TNXB: variants seen among roughly 807,000 people sequenced by gnomAD.
TNXB encodes the protein tenascin XB.
A neutral mutation model predicts 340.5 loss-of-function variants in TNXB; 183 were observed. That is an observed-to-expected ratio of 0.54 (90% CI 0.48 to 0.61). The LOEUF is 0.61. Among genes scored for constraint, TNXB ranks in the 20% least tolerant of loss-of-function variants. TNXB has a pLI of 0.00. For missense variants in TNXB, 4,613 were observed against 5,446.4 expected (o/e 0.85, Z 4.82); for synonymous variants, 2,121 against 2,314.5 (o/e 0.92, Z 2.40).
Position 32,074,552 on chromosome 6 carries a change from C to T in TNXB, c.4376-600G>A, listed in dbSNP as rs1778974759. Among the ~76,000 whole-genome samples the T allele has an allele frequency of 6.6e-6, 1 of 152,162 alleles. No homozygotes were observed. Among genetic ancestry groups the T allele is most frequent in the African/African-American group, 2.4e-5 (1 of 41,434 alleles). ...ACCCTCTGTCCAGACCTCTCCTGAA[C>T]CCCAGACTAGTGTTCGTGCAACGTC... On this transcript the variant is annotated intron_variant, in intron 11 of 43. Coordinates refer to ENST00000644971, the MANE Select transcript of TNXB (RefSeq NM_001365276.2). The surrounding 1 kb of genome is among the most constrained non-coding windows in gnomAD (Gnocchi z 5.5).
Position 32,096,990 on chromosome 6 carries a change from C to G in TNXB, c.863G>C (p.Gly288Ala). Residue 288 changes from glycine to alanine, a missense_variant, in exon 3 of 44, where the codon GGG becomes GCG. This residue lies in a region of TNXB where 4,327 missense variants were observed against 4,859.4 expected (regional missense o/e 0.89). Coordinates refer to ENST00000644971, the MANE Select transcript of TNXB (RefSeq NM_001365276.2). ...RSCPRGCSQR[G>A]RCENGRCVCN... ...CACGCAGCGCCCATTCTCACAGCGCCCCCTCTGACTGCAACCGCGAGGGCA... is the reference window on the plus strand; with the variant it reads ...CACGCAGCGCCCATTCTCACAGCGCGCCCTCTGACTGCAACCGCGAGGGCA... The G allele has an allele frequency of 6.2e-7, 1 of 1,613,218 alleles. No individual in the cohort carries two copies.
intron 1 of TNXB, among the ~76,000 whole-genome samples, chr6:32,101,588 CT>C (rs58601681): frequency 1.4e-3 from 172 of 126,172 alleles, no homozygotes; most frequent in East Asian, 2.1e-3. Context: ...CGCACCCAGC[CT>C]TTTTTTTTTT....
rs1027947609 is a variant in TNXB at position 32,082,475 on chromosome 6, C to T, written c.3446-149G>A. The T allele has an allele frequency of 1.2e-6, 1 of 801,630 alleles. No individual in the cohort carries two copies. The highest frequency in any genetic ancestry group is 1.9e-6 in the Non-Finnish European group (1 of 518,286). 49.7% of individuals were successfully genotyped at this position (801,630 alleles called of 1,614,324 possible). Reference sequence around the variant, plus strand: ...GAGGGAGTACAGAGGGACTGAAATCCAGCCAGCACTCTGCTTGCCGAGCTG... The same window carrying T: ...GAGGGAGTACAGAGGGACTGAAATCTAGCCAGCACTCTGCTTGCCGAGCTG... On this transcript the variant is annotated intron_variant, in intron 8 of 43. Coordinates refer to ENST00000644971, the MANE Select transcript of TNXB (RefSeq NM_001365276.2). This position sits in a 1 kb window ranked among gnomAD's most constrained non-coding sequence, Gnocchi z 5.0.
rs1369354675 is a variant in TNXB at position 32,067,914 on chromosome 6, G to A, written c.6291C>T (p.Leu2097=). The change falls in exon 18 of 44, where the codon CTC becomes CTT. Residue 2097 remains leucine (L), a synonymous_variant. Transcript: ENST00000644971. This position sits in a 1 kb window ranked among gnomAD's most constrained non-coding sequence, Gnocchi z 4.2. ...ATCCTGTCACTGTTAGCTCCCCCAG[G>A]AGCGGCTCCTCAGCGGGCTCCGGGG... is the stretch of plus-strand genomic sequence containing the variant. ...MEAPEPAEEP[L]LGELTVTGSS... 11 of 1,612,678 alleles carry A rather than the reference G, an allele frequency of 6.8e-6. No homozygotes were observed. Among genetic ancestry groups the A allele is most frequent in the Non-Finnish European group, 9.3e-6 (11 of 1,179,884 alleles).
Position 32,069,432 on chromosome 6 carries a change from G to A in TNXB, c.5587+121C>T. 7.9e-7 allele frequency: 1 copy of A among 1,264,610 alleles called. No homozygotes were observed. The highest frequency in any genetic ancestry group is 1.1e-6 in the Non-Finnish European group (1 of 944,528). 78.3% of individuals were successfully genotyped at this position (1,264,610 alleles called of 1,614,324 possible). ...GGCAACTGACTCTAAAGGGGCACAA[G>A]GAAACTTTCTGGATCAATGGAAATG... On this transcript the variant is annotated intron_variant, in intron 15 of 43. Coordinates refer to ENST00000644971, the MANE Select transcript of TNXB (RefSeq NM_001365276.2). This position sits in a 1 kb window ranked among gnomAD's most constrained non-coding sequence, Gnocchi z 6.2.
intron 11 of TNXB, among the ~76,000 whole-genome samples, chr6:32,076,843 G>A (rs1238407512): frequency 6.6e-6 from 1 of 152,052 alleles, no homozygotes; most frequent in Non-Finnish European, 1.5e-5. Context: ...TTAGCCGGGT[G>A]TGGTGGTGGG....
At chr6:32,093,788 G>C (rs974287612) in intron 4 of TNXB, among the ~76,000 whole-genome samples, 2 of 152,108 alleles carry the variant, frequency 1.3e-5, no homozygotes, top group African/African-American at 4.8e-5. Context: ...TCCCTCTAAT[G>C]TTTTAAGAGC....
chr6:32,063,482 C>G (rs1444601203), intron 19 of TNXB, among the ~76,000 whole-genome samples: 1 of 151,956 alleles, frequency 6.6e-6, no homozygotes, highest in East Asian at 1.9e-4. Flanking sequence ...TCCACCTGGG[C>G]TTGGAAATTC....
At chr6:32,106,916 A>G (rs1263466938) in intron 1 of TNXB, among the ~76,000 whole-genome samples, 1 of 152,244 alleles carries the variant, frequency 6.6e-6, no homozygotes, top group African/African-American at 2.4e-5. Context: ...AAGTACAAAC[A>G]TACCTGCACA....
At position 32,081,599 on chromosome 6, in the gene TNXB, C is replaced by T. The variant is rs755723728; in HGVS notation, c.3811G>A (p.Gly1271Ser). The change falls in exon 10 of 44, where the codon GGC (glycine) becomes AGC (serine). Residue 1271 changes from glycine (G) to serine (S), a missense_variant. Transcript: ENST00000644971. This position sits in a 1 kb window ranked among gnomAD's most constrained non-coding sequence, Gnocchi z 5.1. ...AGACGCAAGGAGTCTGGGGTCACGCCGGTCACTGTCAGTTCCCCCAGGAGG... is the reference window on the plus strand; with the variant it reads ...AGACGCAAGGAGTCTGGGGTCACGCTGGTCACTGTCAGTTCCCCCAGGAGG... ...QPLLGELTVTGVTPDSLRLSW... is the reference protein window; with the variant it reads ...QPLLGELTVTSVTPDSLRLSW... 1.7e-5 allele frequency: 27 copies of T among 1,601,482 alleles called. No homozygotes were observed. The highest frequency in any genetic ancestry group is 2.2e-5 in the East Asian group (1 of 44,670).
chr6:32,071,578 CT>C (rs10694435), intron 13 of TNXB, among the ~76,000 whole-genome samples: 178 of 139,914 alleles, frequency 1.3e-3, no homozygotes, highest in East Asian at 1.5e-3. Context: ...GCTTTTCTTT[CT>C]TTTTTTTTTT....
chr6:32,096,790 C>T lies in TNXB; in HGVS notation c.1063G>A (p.Gly355Ser), dbSNP rs770519164. The change falls in exon 3 of 44, where the codon GGC (glycine) becomes AGC (serine). Residue 355 changes from glycine to serine, a missense_variant. Gly to Ser is a moderately conservative substitution (Grantham distance 56). Around this residue, in one of 7 missense-constraint regions of TNXB, gnomAD observed 4,327 missense variants for 4,859.4 expected, o/e 0.89. Transcript: ENST00000644971. ...TACCCGGGCCAGCACACGCAGCGGC[C>T]GTCCACGCAGCGCCCGCCCTCGCCA... ...DCGEGGRCVD[G>S]RCVCWPGYTG... 14 of 1,579,354 alleles carry T rather than the reference C, an allele frequency of 8.9e-6. No individual in the cohort carries two copies. The highest frequency in any genetic ancestry group is 1.2e-5 in the Non-Finnish European group (14 of 1,164,134).
chr6:32,095,004 C>T, intron 4 of TNXB, 72 bp downstream of exon 4: 1 of 1,263,166 alleles, frequency 7.9e-7, no homozygotes, highest in African/African-American at 1.5e-5. Context: ...CCTGGAACTT[C>T]CTCCAGGAGG....
chr6:32,103,983 G>A (rs184539917), intron 1 of TNXB, among the ~76,000 whole-genome samples: 23 of 152,012 alleles, frequency 1.5e-4, no homozygotes, highest in Non-Finnish European at 1.5e-5. Flanking sequence ...TGCCCACCTC[G>A]GCCTCCCAAA....
chr6:32,098,168 T>A lies in TNXB; in HGVS notation c.31A>T (p.Ser11Cys), dbSNP rs1416828643. 7 of 1,560,830 alleles carry A rather than the reference T, an allele frequency of 4.5e-6. No homozygotes were observed. In the East Asian group the frequency reaches 1.6e-4, roughly 35 times the overall value. The change falls in exon 2 of 44, where the codon AGC becomes TGC. Residue 11 changes from serine (S) to cysteine (C), a missense_variant. Coordinates refer to ENST00000644971, the MANE Select transcript of TNXB (RefSeq NM_001365276.2). ...CTCAGCAGCACCAGGAGAACCAGGC[T>A]GGAGGTTAGAGCATACTGGGCTGGC... MMPAQYALTS[S>C]LVLLVLLSTA...
In TNXB at chr6:32,070,444, T is replaced by C; in HGVS notation, c.4991-30A>G. Reference sequence around the variant, plus strand: ...AGAGGAAAGGTTCTTGTGTTTATTTTTTCCAAAACGACTCCTTGACTGCCT... The same window carrying C: ...AGAGGAAAGGTTCTTGTGTTTATTTCTTCCAAAACGACTCCTTGACTGCCT... On this transcript the variant is annotated intron_variant, in intron 13 of 43. Coordinates refer to ENST00000644971, the MANE Select transcript of TNXB (RefSeq NM_001365276.2). This position sits in a 1 kb window ranked among gnomAD's most constrained non-coding sequence, Gnocchi z 6.0. 6.5e-7 allele frequency: 1 copy of C among 1,537,854 alleles called. No individual in the cohort carries two copies. The highest frequency in any genetic ancestry group is 1.2e-5 in the South Asian group (1 of 80,642).
chr6:32,048,170 C>G (rs2151890410), intron 29 of TNXB, among the ~76,000 whole-genome samples, 158 bp from the exon 30 acceptor site: 1 of 152,226 alleles, frequency 6.6e-6, no homozygotes, highest in East Asian at 1.9e-4. Context: ...AGCAAGTGTC[C>G]CCTGGGGTGC....
rs1392228352 is a variant in TNXB at position 32,084,620 on chromosome 6, G to A, written c.3238C>T (p.Leu1080=). 1 of 1,604,084 alleles carries A rather than the reference G, an allele frequency of 6.2e-7. No individual in the cohort carries two copies. Among genetic ancestry groups the A allele is most frequent in the African/African-American group, 1.3e-5 (1 of 74,992 alleles). ...TCGCCCTCGGGGACCGTCCAGCGCA[G>A]GAGCAAGGAGTCGGAGGTCCTGTCT... ...VTDRTSDSLL[L]RWTVPEGEFD... is the part of the protein sequence containing the mutation. Residue 1080 remains leucine (L), a synonymous_variant, in exon 8 of 44, where the codon CTG becomes TTG. Coordinates refer to ENST00000644971, the MANE Select transcript of TNXB (RefSeq NM_001365276.2). This position sits in a 1 kb window ranked among gnomAD's most constrained non-coding sequence, Gnocchi z 5.5.
chr6:32,047,682 G>A lies in TNXB; in HGVS notation c.10324+52C>T. On this transcript the variant is annotated intron_variant, in intron 30 of 43. Coordinates refer to ENST00000644971, the MANE Select transcript of TNXB (RefSeq NM_001365276.2). This position sits in a 1 kb window ranked among gnomAD's most constrained non-coding sequence, Gnocchi z 6.2. ...GGAAGGCTGCAGGGCCAGCTCTGAG[G>A]GCTCGGATGAGAGGCAGCTCTGGAA... 1.3e-6 allele frequency: 2 copies of A among 1,530,002 alleles called. No individual in the cohort carries two copies. Among genetic ancestry groups the A allele is most frequent in the Admixed American group, 1.9e-5 (1 of 52,318 alleles). 94.8% of individuals were successfully genotyped at this position (1,530,002 alleles called of 1,614,324 possible). A position where few individuals can be genotyped will look rare whatever the true frequency, so the allele number is the denominator to read the frequency against.
Sources: allele counts gnomAD v4.1 joint callset (sites outside exome capture counted in the v4.1 genomes callset), GRCh38; gene constraint gnomAD v4.1.1; regional missense constraint gnomAD v4.1.1; non-coding constraint Gnocchi (gnomAD v3.1); transcripts MANE v1.5; gene names NCBI Gene and HGNC (gene_info 2026-07-23, HGNC 2026-07-21).